Variants in CYP2W1 observed in about 807,000 individuals in gnomAD.
CYP2W1 encodes cytochrome P450 2W1.
In CYP2W1, 51 loss-of-function variants were observed where a neutral mutation model predicts 44.9. The observed-to-expected ratio is 1.14, with a 90% CI of 0.91 to 1.43. The LOEUF is 1.43. Among genes scored for constraint, CYP2W1 ranks in the 40% most tolerant of loss-of-function variants. The pLI is 0.00. For missense variants in CYP2W1, 746 were observed against 700.0 expected (o/e 1.07, Z -0.74); for synonymous variants, 383 against 338.3 (o/e 1.13, Z -1.45).
chr7:986,389 A>T (rs1848345432), intron 4 of CYP2W1: 1 of 570,702 alleles, frequency 1.8e-6, no homozygotes, highest in Non-Finnish European at 3.1e-6. Flanking sequence ...GGATGGAAGG[A>T]GGTCCTGCTG....
chr7:988,981 T>G lies in CYP2W1; in HGVS notation c.*159T>G, dbSNP rs1284061455. 1.7e-6 allele frequency: 1 copy of G among 584,448 alleles called. No homozygotes were observed. The highest frequency in any genetic ancestry group is 1.9e-5 in the African/African-American group (1 of 53,404). The allele number at this position is 584,448 out of a possible 1,614,324, so 36.2% of individuals were successfully genotyped here. ...CACAGGGTCAGCAACTGCTTCCGGT[T>G]ACACCCAGGACTACCCCTGCCCGAC... On this transcript the variant is annotated 3_prime_UTR_variant, in exon 9 of 9. Coordinates refer to ENST00000308919, the MANE Select transcript of CYP2W1 (RefSeq NM_017781.3).
intron 2 of CYP2W1, 51 bp downstream of exon 2, chr7:984,625 A>C: frequency 6.6e-7 from 1 of 1,518,780 alleles, no homozygotes; most frequent in South Asian, 1.2e-5. Context: ...GGGCACCTGG[A>C]CCCCAGGAGG....
chr7:988,225 C>T, intron 7 of CYP2W1, 52 bp from the exon 8 acceptor site: 2 of 1,533,604 alleles, frequency 1.3e-6, no homozygotes, highest in South Asian at 1.2e-5. Context: ...AACCCAGGCC[C>T]CATCCCATCT....
rs1848403967 is a variant in CYP2W1, at chr7:986,993, T to C, written c.820-114T>C. 8 of 1,386,672 alleles carry C rather than the reference T, an allele frequency of 5.8e-6. No homozygotes were observed. The South Asian group carries it at 7.6e-5, about 13-fold the overall frequency. 85.9% of individuals were successfully genotyped at this position (1,386,672 alleles called of 1,614,324 possible). A position where few individuals can be genotyped will look rare whatever the true frequency, so the allele number is the denominator to read the frequency against. Reference sequence around the variant, plus strand: ...TGCCTGCCTCGGGGACGCTGAGGGATGGCTGAGCCCAGATCACCGGGGCAT... The same window carrying C: ...TGCCTGCCTCGGGGACGCTGAGGGACGGCTGAGCCCAGATCACCGGGGCAT... On this transcript the variant is annotated intron_variant, in intron 5 of 8. Transcript: ENST00000308919.
chr7:984,626 C>T, intron 2 of CYP2W1, 52 bp downstream of exon 2: 2 of 1,519,214 alleles, frequency 1.3e-6, no homozygotes, highest in South Asian at 1.2e-5. Context: ...GGCACCTGGA[C>T]CCCAGGAGGG....
intron 4 of CYP2W1, 85 bp downstream of exon 4, chr7:985,408 C>T (rs977209517): frequency 2.8e-6 from 4 of 1,408,528 alleles, no homozygotes; most frequent in Admixed American, 2.3e-5. Flanking sequence ...CCAGTGCTGT[C>T]CCCTCTCAGC....
Position 985,036 on chromosome 7 carries a change from C to G in CYP2W1, c.424C>G (p.Pro142Ala), listed in dbSNP as rs933485922. 5.6e-6 allele frequency: 9 copies of G among 1,612,252 alleles called. No homozygotes were observed. The highest frequency in any genetic ancestry group is 3.3e-5 in the Admixed American group (2 of 59,986). ...GCACAGCCTGGGCGTGGGCCGGGAG[C>G]CGGTGGCTGACAAGATTCTGCAGGA... is the stretch of plus-strand genomic sequence containing the variant. ...ALHSLGVGRE[P>A]VADKILQELK... The change falls in exon 3 of 9, where the codon CCG becomes GCG. Residue 142 changes from proline (P) to alanine (A), a missense_variant. By Grantham distance (27) the Pro-to-Ala change is conservative. Coordinates refer to ENST00000308919, the MANE Select transcript of CYP2W1 (RefSeq NM_017781.3).
chr7:985,736 G>A (rs1003308508), intron 4 of CYP2W1, among the ~76,000 whole-genome samples: 25 of 152,204 alleles, frequency 1.6e-4, no homozygotes, highest in South Asian at 6.2e-4. Flanking sequence ...TTTGGAACTC[G>A]TGTATTTCAT....
Position 987,204 on chromosome 7 carries a change from A to AGTGGGCCGCACTTCTG in CYP2W1, c.918_933dup (p.Met312ValfsTer90). 1.3e-6 allele frequency: 2 copies of AGTGGGCCGCACTTCTG among 1,548,498 alleles called. No homozygotes were observed. Among genetic ancestry groups the AGTGGGCCGCACTTCTG allele is most frequent in the Non-Finnish European group, 1.7e-6 (2 of 1,146,880 alleles). On this transcript the variant is annotated frameshift_variant, in exon 6 of 9. Transcript: ENST00000308919. LOFTEE classifies it high-confidence loss of function. ...ACGGAGACGACCTCGGCCACGCTGC[A>AGTGGGCCGCACTTCTG]GTGGGCCGCACTTCTGATGGGCCGG...
intron 7 of CYP2W1, 87 bp downstream of exon 7, chr7:987,618 G>T: frequency 7.7e-7 from 1 of 1,298,702 alleles, no homozygotes; most frequent in Non-Finnish European, 1.0e-6. Context: ...CTGAGCGTCT[G>T]GTGGGTGCCT....
In CYP2W1 at chr7:989,192, C is replaced by G. The variant is rs993693544; in HGVS notation, c.*370C>G. On this transcript the variant is annotated 3_prime_UTR_variant, in exon 9 of 9. Coordinates refer to ENST00000308919, the MANE Select transcript of CYP2W1 (RefSeq NM_017781.3). Reference sequence around the variant, plus strand: ...GAGACAACGGGTGGCTGCATCCAGCCAGAGACAGGCGCAGGTGGGTGTCCT... The same window carrying G: ...GAGACAACGGGTGGCTGCATCCAGCGAGAGACAGGCGCAGGTGGGTGTCCT... The G allele has an allele frequency of 7.2e-5, 19 of 264,724 alleles. 1 individual carries two copies. The highest frequency in any genetic ancestry group is 2.7e-4 in the East Asian group (4 of 14,676). The allele number at this position is 264,724 out of a possible 1,614,324, so 16.4% of individuals were successfully genotyped here. A position where few individuals can be genotyped will look rare whatever the true frequency, so the allele number is the denominator to read the frequency against.
Position 984,543 on chromosome 7 carries a change from C to A in CYP2W1, c.306C>A (p.Ile102=). ...AGGAGCTGGCCGACCGGCCTCCCAT[C>A]GCCATCTTCCAGCTCATCCAGCGAG... ...PGQELADRPP[I]AIFQLIQRGG... Residue 102 remains isoleucine, a synonymous_variant, in exon 2 of 9, where the codon ATC becomes ATA. Transcript: ENST00000308919. 1 of 1,558,314 alleles carries A rather than the reference C, an allele frequency of 6.4e-7. No homozygotes were observed. The highest frequency in any genetic ancestry group is 8.7e-7 in the Non-Finnish European group (1 of 1,153,196).
chr7:987,355 C>T lies in CYP2W1; in HGVS notation c.967C>T (p.Gln323Ter). 2 of 1,580,166 alleles carry T rather than the reference C, an allele frequency of 1.3e-6. No homozygotes were observed. The highest frequency in any genetic ancestry group is 1.7e-4 in the Middle Eastern group (1 of 5,864). ...GRHPDVQGRV[Q>*]EELDRVLGPG... ...CCCACCCTTTGCCCCAGGCCGGGTGCAGGAGGAGCTAGACCGCGTGCTGGG... is the reference window on the plus strand; with the variant it reads ...CCCACCCTTTGCCCCAGGCCGGGTGTAGGAGGAGCTAGACCGCGTGCTGGG... Residue 323 changes from glutamine to a stop codon, truncating the protein, a stop_gained, in exon 7 of 9, where the codon CAG becomes TAG. Transcript: ENST00000308919. LOFTEE classifies it high-confidence loss of function.
intron 4 of CYP2W1, 74 bp downstream of exon 4, chr7:985,397 C>T (rs1457646040): frequency 1.4e-6 from 2 of 1,479,392 alleles, no homozygotes; most frequent in Admixed American, 4.2e-5. Flanking sequence ...GGACGGGGGC[C>T]CCAGTGCTGT....
Position 983,345 on chromosome 7 carries a change from A to G in CYP2W1, c.134A>G (p.His45Arg). The change falls in exon 1 of 9, where the codon CAC becomes CGC. Residue 45 changes from histidine (H) to arginine (R), a missense_variant. Coordinates refer to ENST00000308919, the MANE Select transcript of CYP2W1 (RefSeq NM_017781.3). The part of the protein sequence containing the change: ...PRPLPLVGNL[H>R]LLRLSQQDRS... ...CCGCTGCCGCTCGTCGGGAACCTGC[A>G]CTTGCTGCGTCTGTCGCAACAGGAC... 5 of 1,537,744 alleles carry G rather than the reference A, an allele frequency of 3.3e-6. No homozygotes were observed. Among genetic ancestry groups the G allele is most frequent in the Non-Finnish European group, 4.4e-6 (5 of 1,144,358 alleles).
chr7:985,253 AC>A lies in CYP2W1; in HGVS notation c.579del (p.Val194CysfsTer51). 1 of 1,551,294 alleles carries A rather than the reference AC, an allele frequency of 6.4e-7. No homozygotes were observed. The highest frequency in any genetic ancestry group is 8.7e-7 in the Non-Finnish European group (1 of 1,147,352). The stretch of plus-strand genomic sequence containing the variant: ...TTCGGCCGCCGATTTGACTACCGGG[AC>A]CCCGTGTTTGTGTCCCTGCTGGGTC... ...LLFGRRFDYR[D>X]PVFVSLLGLI... is the part of the protein sequence containing the mutation. On this transcript the variant is annotated frameshift_variant, in exon 4 of 9. Coordinates refer to ENST00000308919, the MANE Select transcript of CYP2W1 (RefSeq NM_017781.3). LOFTEE classifies it high-confidence loss of function.
intron 1 of CYP2W1, 125 bp from the exon 2 acceptor site, chr7:984,287 C>A (rs1343630282): frequency 4.7e-6 from 6 of 1,284,888 alleles, no homozygotes; most frequent in Non-Finnish European, 6.3e-6. Context: ...TCTAGGCGTG[C>A]CCCCTCCACC....
chr7:986,832 T>C lies in CYP2W1; in HGVS notation c.819+35T>C, dbSNP rs1325856790. On this transcript the variant is annotated intron_variant, in intron 5 of 8. Transcript: ENST00000308919. ...GACCCAAGACCTCCTTGAAGGCCTG[T>C]AGGGGTCCTGAGGGACACCCCAGGG... 3 of 1,487,280 alleles carry C rather than the reference T, an allele frequency of 2.0e-6. No homozygotes were observed. In the Admixed American group the frequency reaches 6.9e-5, roughly 34 times the overall value. The allele number at this position is 1,487,280 out of a possible 1,614,324, so 92.1% of individuals were successfully genotyped here.
At position 988,625 on chromosome 7, in the gene CYP2W1, T is replaced by A. The variant is rs772862358; in HGVS notation, c.1286-10T>A. On this transcript the variant is annotated splice_polypyrimidine_tract_variant and intron_variant, in intron 8 of 8. Coordinates refer to ENST00000308919, the MANE Select transcript of CYP2W1 (RefSeq NM_017781.3). ...GTGCAGCCCACTCTGTGCCTGGACA[T>A]CCCCCGCAGGCCGCCGCGTCTGTGT... 1 of 1,602,992 alleles carries A rather than the reference T, an allele frequency of 6.2e-7. No individual in the cohort carries two copies. The highest frequency in any genetic ancestry group is 1.1e-5 in the South Asian group (1 of 90,904).
Sources: gnomAD v4.1 joint callset for allele counts (sites outside exome capture counted in the v4.1 genomes callset) on GRCh38, gnomAD v4.1.1 for gene constraint, MANE v1.5 for transcripts, NCBI Gene and HGNC (gene_info 2026-07-23, HGNC 2026-07-21) for gene names.